The following TTLL1 variants were observed in gnomAD, a reference collection of about 807,000 sequenced individuals.
The protein encoded by TTLL1 is polyglutamylase complex subunit TTLL1.
In TTLL1, 33 loss-of-function variants were observed where a neutral mutation model predicts 47.8. That is an observed-to-expected ratio of 0.69 (90% CI 0.52 to 0.92). The LOEUF is 0.92. TTLL1 is among the 40% of genes least tolerant of loss of function. The pLI is 0.00. For missense variants in TTLL1, 488 were observed against 547.5 expected (o/e 0.89, Z 1.08); for synonymous variants, 225 against 214.1 (o/e 1.05, Z -0.45).
At position 43,069,690 on chromosome 22, in the gene TTLL1, T is replaced by C; in HGVS notation, c.268A>G (p.Lys90Glu). 1.2e-6 allele frequency: 2 copies of C among 1,614,210 alleles called. No individual in the cohort carries two copies. Among genetic ancestry groups the C allele is most frequent in the Non-Finnish European group, 1.7e-6 (2 of 1,180,040 alleles). ...TTTTCTGCCAGAGGACTCCCTTCTT[T>C]CTCCAGCTCCTTCCTGTATCTTTTG... ...NIKRYRKELE[K>E]EGSPLAEKDE... Residue 90 changes from lysine to glutamate, a missense_variant, in exon 4 of 11, where the codon AAA becomes GAA. Coordinates refer to ENST00000266254, the MANE Select transcript of TTLL1 (RefSeq NM_012263.5).
intron 10 of TTLL1, among the ~76,000 whole-genome samples, chr22:43,042,864 T>A (rs1042644457): frequency 2.6e-5 from 4 of 151,722 alleles, no homozygotes; most frequent in Non-Finnish European, 5.9e-5. Flanking sequence ...AGAGGACGGC[T>A]GGATCAGGGA....
chr22:43,057,672 TA>T (rs1183708762), intron 8 of TTLL1, among the ~76,000 whole-genome samples: 2 of 129,656 alleles, frequency 1.5e-5, no homozygotes, highest in Non-Finnish European at 3.2e-5. Context: ...CCTCAAAAAG[TA>T]AAAGAACAGA....
chr22:43,059,329 C>T (rs909954473), intron 8 of TTLL1, 55 bp downstream of exon 8: 53 of 1,568,214 alleles, frequency 3.4e-5, no homozygotes, highest in Non-Finnish European at 4.4e-5. Context: ...ACAGCAAGCC[C>T]CCCCACTCCC....
intron 1 of TTLL1, among the ~76,000 whole-genome samples, chr22:43,081,104 C>A (rs1275941139): frequency 6.6e-6 from 1 of 151,554 alleles, no homozygotes; most frequent in Non-Finnish European, 1.5e-5. Flanking sequence ...TTAGTAGAGA[C>A]AGGGTTTCAC....
chr22:43,071,803 T>C (rs1928141282), intron 3 of TTLL1, among the ~76,000 whole-genome samples: 1 of 152,212 alleles, frequency 6.6e-6, no homozygotes, highest in African/African-American at 2.4e-5. Context: ...CATTCAGAAG[T>C]GTAGAGCCAG....
Position 43,063,933 on chromosome 22 carries a change from T to G in TTLL1, c.639-12A>C. The G allele has an allele frequency of 6.2e-7, 1 of 1,611,478 alleles. No homozygotes were observed. ...ACCCAAGCTTGTACCTAGGAGGGAATGTAGATTAATTCAAACTCTGAGGAG... is the reference window on the plus strand; with the variant it reads ...ACCCAAGCTTGTACCTAGGAGGGAAGGTAGATTAATTCAAACTCTGAGGAG... On this transcript the variant is annotated splice_polypyrimidine_tract_variant and intron_variant, in intron 6 of 10. Coordinates refer to ENST00000266254, the MANE Select transcript of TTLL1 (RefSeq NM_012263.5).
At chr22:43,069,082 C>T (rs1601687876) in intron 4 of TTLL1, among the ~76,000 whole-genome samples, 1 of 151,844 alleles carries the variant, frequency 6.6e-6, no homozygotes, top group East Asian at 1.9e-4. Context: ...CTGGCTTACA[C>T]AAAGTCCATG....
At position 43,071,943 on chromosome 22, in the gene TTLL1, C is replaced by T. The variant is rs975171452; in HGVS notation, c.114-2099G>A. 5.3e-5 allele frequency among the ~76,000 whole-genome samples: 8 copies of T among 152,286 alleles called. 2 individuals are homozygous for T. The highest frequency in any genetic ancestry group is 6.5e-5 in the Admixed American group (1 of 15,298). Reference sequence around the variant, plus strand: ...ACACCTACCTGTGGCCGCTGTGGCACGAGGGCTTCAGGATGGCACCTTCTC... The same window carrying T: ...ACACCTACCTGTGGCCGCTGTGGCATGAGGGCTTCAGGATGGCACCTTCTC... On this transcript the variant is annotated intron_variant, in intron 3 of 10. Transcript: ENST00000266254.
intron 8 of TTLL1, among the ~76,000 whole-genome samples, chr22:43,054,883 C>T (rs1469295993): frequency 6.6e-6 from 1 of 150,950 alleles, no homozygotes; most frequent in East Asian, 2.0e-4. Context: ...TGCCACTACG[C>T]CTGGCTAATT....
chr22:43,074,287 C>T (rs1381109716), intron 3 of TTLL1, among the ~76,000 whole-genome samples: 3 of 151,576 alleles, frequency 2.0e-5, no homozygotes, highest in East Asian at 2.0e-4. Context: ...ATAAGCCAGG[C>T]GTGGTGGCAC....
chr22:43,066,560 C>A (rs1262556596), intron 5 of TTLL1, among the ~76,000 whole-genome samples: 1 of 150,590 alleles, frequency 6.6e-6, no homozygotes, highest in Non-Finnish European at 1.5e-5. Context: ...CCTGCCTCTA[C>A]AAAAAAGAAA....
chr22:43,052,105 C>T (rs1187585681), intron 8 of TTLL1: 1 of 556,846 alleles, frequency 1.8e-6, no homozygotes, highest in Non-Finnish European at 3.3e-6. Flanking sequence ...ATTGATGAAG[C>T]CGTAATGGGC....
chr22:43,067,457 C>A (rs1054979187), intron 5 of TTLL1, among the ~76,000 whole-genome samples: 1 of 152,232 alleles, frequency 6.6e-6, no homozygotes, highest in Non-Finnish European at 1.5e-5. Context: ...AGGTGCCTCG[C>A]TGCCTCAGAA....
chr22:43,049,912 A>G (rs1926472250), intron 9 of TTLL1, among the ~76,000 whole-genome samples: 2 of 151,590 alleles, frequency 1.3e-5, no homozygotes. Flanking sequence ...CCTGGGCAAC[A>G]TGGTGAAACC....
intron 1 of TTLL1, among the ~76,000 whole-genome samples, chr22:43,087,485 C>T (rs1929297994): frequency 6.7e-6 from 1 of 149,848 alleles, no homozygotes; most frequent in South Asian, 2.1e-4. Flanking sequence ...CATCACGCCA[C>T]TGCACTCCAG....
chr22:43,057,424 C>T (rs1927092192), intron 8 of TTLL1, among the ~76,000 whole-genome samples: 1 of 152,038 alleles, frequency 6.6e-6, no homozygotes. Context: ...TCATACATTT[C>T]TGACTGTGGA....
intron 5 of TTLL1, among the ~76,000 whole-genome samples, chr22:43,065,984 C>A (rs1927705406): frequency 1.3e-5 from 2 of 151,632 alleles, no homozygotes; most frequent in South Asian, 2.1e-4. Context: ...CATGGTGAAA[C>A]CCTGTCTCTA....
chr22:43,082,842 C>T (rs1291327997), intron 1 of TTLL1, among the ~76,000 whole-genome samples: 4 of 151,348 alleles, frequency 2.6e-5, no homozygotes, highest in African/African-American at 4.9e-5. Context: ...GGCGAAACCC[C>T]GTCTCTACTA....
chr22:43,044,795 T>C (rs1601651385), intron 10 of TTLL1, among the ~76,000 whole-genome samples: 1 of 152,014 alleles, frequency 6.6e-6, no homozygotes, highest in East Asian at 1.9e-4. Flanking sequence ...GATTACGTTA[T>C]ACACCCTTTT....
Sources: allele counts gnomAD v4.1 joint callset (sites outside exome capture counted in the v4.1 genomes callset), GRCh38; gene constraint gnomAD v4.1.1; transcripts MANE v1.5; gene names NCBI Gene and HGNC (gene_info 2026-07-23, HGNC 2026-07-21).